Variants in NEGR1 observed in about 807,000 individuals in gnomAD.
NEGR1 encodes neuronal growth regulator 1, also known as IgLON family member 4.
NEGR1 carries 10 observed loss-of-function variants against 40.9 expected under a neutral mutation model. The observed-to-expected ratio is 0.24, with a 90% CI of 0.15 to 0.42. The LOEUF is 0.42. NEGR1 is among the 10% of genes least tolerant of loss of function. NEGR1 has a pLI of 1.00. For synonymous variants in NEGR1, 185 were observed against 166.8 expected (o/e 1.11, Z -0.84); for missense variants, 352 against 438.9 (o/e 0.80, Z 1.77).
intron 2 of NEGR1, among the ~76,000 whole-genome samples, chr1:71,789,458 T>A (rs1476513720): frequency 1.3e-5 from 2 of 152,116 alleles, no homozygotes; most frequent in Non-Finnish European, 2.9e-5. Flanking sequence ...CTCCTTCATA[T>A]TAATTACTAC....
At chr1:71,445,889 C>T (rs1646578871) in intron 6 of NEGR1, among the ~76,000 whole-genome samples, 1 of 152,234 alleles carries the variant, frequency 6.6e-6, no homozygotes, top group Admixed American at 6.5e-5. Flanking sequence ...AGCTCTGTCA[C>T]AGAATTTCCT....
intron 1 of NEGR1, among the ~76,000 whole-genome samples, chr1:72,153,169 G>T (rs79128931): frequency 1.3e-3 from 190 of 151,852 alleles, no homozygotes; most frequent in African/African-American, 4.4e-3. Context: ...TCCAACTTAA[G>T]AAGTAAGAAA....
chr1:71,417,679 G>T (rs1646365282), intron 6 of NEGR1, among the ~76,000 whole-genome samples: 1 of 152,166 alleles, frequency 6.6e-6, no homozygotes, highest in South Asian at 2.1e-4. Context: ...TGGCACCTCA[G>T]TTTTCTCAGT....
chr1:71,994,538 CAAAACAAACAA>C (rs1646485812), intron 1 of NEGR1, among the ~76,000 whole-genome samples: 1 of 105,800 alleles, frequency 9.5e-6, no homozygotes, highest in South Asian at 3.5e-4. Context: ...AAAAACAAAA[CAAAACAAACAA>C]AAAAAAAAAA....
chr1:72,266,830 A>C (rs1220772988), intron 1 of NEGR1, among the ~76,000 whole-genome samples: 1 of 150,770 alleles, frequency 6.6e-6, no homozygotes, highest in African/African-American at 2.4e-5. Context: ...CTTGAAAATT[A>C]TTAAAACCCT....
At chr1:71,688,660 T>C (rs1653146872) in intron 4 of NEGR1, among the ~76,000 whole-genome samples, 1 of 151,790 alleles carries the variant, frequency 6.6e-6, no homozygotes. Context: ...TTTCACCATG[T>C]TGGCCAGGCT....
chr1:72,254,076 A>G (rs1655186467), intron 1 of NEGR1, among the ~76,000 whole-genome samples: 1 of 152,198 alleles, frequency 6.6e-6, no homozygotes, highest in African/African-American at 2.4e-5. Flanking sequence ...ATTACCTCCT[A>G]ACCCAAATTC....
At chr1:71,608,396 G>C (rs1046571047) in intron 5 of NEGR1, among the ~76,000 whole-genome samples, 4 of 150,282 alleles carry the variant, frequency 2.7e-5, no homozygotes, top group Non-Finnish European at 1.5e-5. Flanking sequence ...CATCTCTACA[G>C]TAGGAAAAAA....
chr1:71,579,374 A>C (rs1374849116), intron 6 of NEGR1, among the ~76,000 whole-genome samples: 1 of 152,188 alleles, frequency 6.6e-6, no homozygotes, highest in South Asian at 2.1e-4. Context: ...ATTTTAGCTC[A>C]ACTTTGTATT....
intron 1 of NEGR1, among the ~76,000 whole-genome samples, chr1:72,082,468 TTTG>T (rs1648042747): frequency 6.6e-6 from 1 of 152,126 alleles, no homozygotes; most frequent in Admixed American, 6.6e-5. Context: ...CATAGAGAAA[TTTG>T]TTATTTCTTC....
At chr1:72,222,217 C>T (rs1247542952) in intron 1 of NEGR1, among the ~76,000 whole-genome samples, 1 of 152,166 alleles carries the variant, frequency 6.6e-6, no homozygotes, top group Non-Finnish European at 1.5e-5. Flanking sequence ...CAGGCTCATA[C>T]TTGCAAACCC....
chr1:71,570,637 C>G (rs1039118734), intron 6 of NEGR1, among the ~76,000 whole-genome samples: 53 of 131,540 alleles, frequency 4.0e-4, no homozygotes, highest in South Asian at 1.0e-3. Context: ...TTTGTTTATA[C>G]TGGGTCCTTA....
chr1:71,630,455 T>C (rs1650935741), intron 4 of NEGR1, among the ~76,000 whole-genome samples: 1 of 151,894 alleles, frequency 6.6e-6, no homozygotes, highest in African/African-American at 2.4e-5. Flanking sequence ...ATAACTATAT[T>C]GTAAAATGTA....
chr1:71,420,598 C>A (rs1011809500), intron 6 of NEGR1, among the ~76,000 whole-genome samples: 1 of 152,004 alleles, frequency 6.6e-6, no homozygotes, highest in Non-Finnish European at 1.5e-5. Context: ...TCACCTTTGT[C>A]AAAGCATAAC....
intron 4 of NEGR1, among the ~76,000 whole-genome samples, chr1:71,696,595 A>C (rs1653481803): frequency 6.6e-6 from 1 of 151,854 alleles, no homozygotes; most frequent in African/African-American, 2.4e-5. Flanking sequence ...CAATAAAATC[A>C]GTATACACAT....
chr1:72,160,630 CA>C (rs1651522640), intron 1 of NEGR1, among the ~76,000 whole-genome samples: 1 of 152,090 alleles, frequency 6.6e-6, no homozygotes, highest in African/African-American at 2.4e-5. Flanking sequence ...TAGATTCTAT[CA>C]TGATTCTCGC....
intron 6 of NEGR1, among the ~76,000 whole-genome samples, chr1:71,508,022 G>A (rs1647046816): frequency 6.6e-6 from 1 of 152,126 alleles, no homozygotes; most frequent in Non-Finnish European, 1.5e-5. Flanking sequence ...GTTGGGCAGA[G>A]CTACAAATCT....
intron 1 of NEGR1, among the ~76,000 whole-genome samples, chr1:72,086,881 T>C (rs748048265): frequency 6.6e-6 from 1 of 152,184 alleles, no homozygotes; most frequent in African/African-American, 2.4e-5. Flanking sequence ...ATGTCATAAC[T>C]TTTAATGTAA....
intron 2 of NEGR1, among the ~76,000 whole-genome samples, chr1:71,933,224 C>T (rs1645871945): frequency 6.6e-6 from 1 of 151,800 alleles, no homozygotes; most frequent in Non-Finnish European, 1.5e-5. Context: ...AAAACGTGAA[C>T]AATATTAAAC....
Sources: gnomAD v4.1 joint callset for allele counts (sites outside exome capture counted in the v4.1 genomes callset) on GRCh38, gnomAD v4.1.1 for gene constraint, MANE v1.5 for transcripts, NCBI Gene and HGNC (gene_info 2026-07-23, HGNC 2026-07-21) for gene names.